Variants in ROBO2 observed in about 807,000 individuals in gnomAD.
The protein encoded by ROBO2 is roundabout homolog 2.
In ROBO2, 53 loss-of-function variants were observed where a neutral mutation model predicts 160.8. The observed-to-expected ratio is 0.33, with a 90% CI of 0.26 to 0.41. The LOEUF (loss-of-function observed/expected upper bound fraction) is 0.41, where lower values mean the gene tolerates loss of function less well. Among genes scored for constraint, ROBO2 ranks in the 10% least tolerant of loss-of-function variants. The probability of loss-of-function intolerance (pLI) is 1.00; values close to 1 mark genes in which losing one functional copy is unlikely to be tolerated. For missense variants in ROBO2, 1,577 were observed against 1,722.4 expected, an observed-to-expected ratio of 0.92 and a Z score of 1.49; for synonymous variants, 664 against 611.7, an observed-to-expected ratio of 1.09 and a Z score of -1.26.
At chr3:77,073,574 A>G (rs888400456) in intron 1 of ROBO2, among the ~76,000 whole-genome samples, 1 of 152,204 alleles carries the variant, frequency 6.6e-6, no homozygotes, top group African/African-American at 2.4e-5. Context: ...AGTAAACCTA[A>G]GCATTTCATC....
chr3:76,896,524 T>C (rs1427490122), intron 2 of ROBO2, among the ~76,000 whole-genome samples: 1 of 152,150 alleles, frequency 6.6e-6, no homozygotes, highest in Non-Finnish European at 1.5e-5. Flanking sequence ...TGCTATTGGG[T>C]GAATATGTGA....
chr3:77,569,217 T>G (rs2093575073), intron 13 of ROBO2, among the ~76,000 whole-genome samples: 1 of 152,028 alleles, frequency 6.6e-6, no homozygotes, highest in African/African-American at 2.4e-5. Flanking sequence ...AATATTTTGA[T>G]AAACTGCCAA....
chr3:76,258,085 T>TA (rs1215311499), intron 2 of ROBO2, among the ~76,000 whole-genome samples: 2 of 152,066 alleles, frequency 1.3e-5, no homozygotes, highest in African/African-American at 2.4e-5. Flanking sequence ...TAGTTTTTTT[T>TA]ATCCTAACAT....
chr3:77,450,243 A>T (rs2080985729), intron 2 of ROBO2, among the ~76,000 whole-genome samples: 1 of 152,170 alleles, frequency 6.6e-6, no homozygotes. Flanking sequence ...CTTTGATGTT[A>T]AATGAGACAC....
intron 2 of ROBO2, among the ~76,000 whole-genome samples, chr3:76,068,123 A>C (rs778183942): frequency 6.6e-6 from 1 of 152,168 alleles, no homozygotes; most frequent in Non-Finnish European, 1.5e-5. Context: ...GACGCAAAGG[A>C]ACAGAGAAGA....
chr3:76,314,551 C>G (rs915408278), intron 2 of ROBO2, among the ~76,000 whole-genome samples: 2 of 152,030 alleles, frequency 1.3e-5, no homozygotes, highest in African/African-American at 4.8e-5. Flanking sequence ...CTCTGCCACC[C>G]CTGAGACAGC....
chr3:76,876,399 G>T (rs767655613), intron 2 of ROBO2, among the ~76,000 whole-genome samples: 1 of 152,128 alleles, frequency 6.6e-6, no homozygotes, highest in East Asian at 1.9e-4. Flanking sequence ...TTAAGGGTGG[G>T]CATGGTGGCT....
chr3:77,224,426 T>C (rs1278824168), intron 2 of ROBO2, among the ~76,000 whole-genome samples: 1 of 151,986 alleles, frequency 6.6e-6, no homozygotes, highest in Non-Finnish European at 1.5e-5. Flanking sequence ...ATTCTTTGCT[T>C]ATCCATTTGT....
intron 21 of ROBO2, among the ~76,000 whole-genome samples, chr3:77,613,814 A>C (rs989030236): frequency 6.6e-6 from 1 of 152,210 alleles, no homozygotes; most frequent in Non-Finnish European, 1.5e-5. Flanking sequence ...ATTAGTCAAG[A>C]GTTACAGAAA....
In ROBO2 at chr3:76,206,784, C is replaced by T. The variant is rs150597128; in HGVS notation, c.109+269182C>T. Among the ~76,000 whole-genome samples the T allele has an allele frequency of 4.4e-3, 669 of 152,198 alleles. 6 individuals are homozygous for T. The highest frequency in any genetic ancestry group is 0.015 in the African/African-American group (624 of 41,522). On this transcript the variant is annotated intron_variant, in intron 2 of 26. Transcript: ENST00000487694. ...TTTATAAAAGGGGATTCTAATACAT[C>T]CCCCATGGAAGATTGTGAGAATAGA...
intron 2 of ROBO2, among the ~76,000 whole-genome samples, chr3:77,213,885 G>A (rs191938052): frequency 9.0e-4 from 137 of 152,120 alleles, no homozygotes; most frequent in Non-Finnish European, 1.6e-3. Context: ...GTAGTTGAGC[G>A]GTTTTGAGTA....
intron 2 of ROBO2, among the ~76,000 whole-genome samples, chr3:76,759,463 T>A (rs2108349387): frequency 6.6e-6 from 1 of 151,826 alleles, no homozygotes. Flanking sequence ...TACCTAAAAA[T>A]TTTGAGGGTG....
chr3:77,611,793 C>G (rs1480670370), intron 21 of ROBO2, among the ~76,000 whole-genome samples: 1 of 152,090 alleles, frequency 6.6e-6, no homozygotes, highest in African/African-American at 2.4e-5. Flanking sequence ...ACAATGATGG[C>G]AATGTTTTCT....
In ROBO2 at chr3:77,646,684, T is replaced by G. The variant is rs146195527; in HGVS notation, c.*629T>G. The G allele has an allele frequency of 5.9e-5, 9 of 152,536 alleles. No individual in the cohort carries two copies. In the East Asian group the frequency reaches 1.4e-3, roughly 23 times the overall value. The allele number at this position is 152,536 out of a possible 1,614,324, so 9.4% of individuals were successfully genotyped here. A position where few individuals can be genotyped will look rare whatever the true frequency, so the allele number is the denominator to read the frequency against. ...GAACAATGGTGTTGGCAAAGTCTTC[T>G]TTGAATATCAGGGACTGAGTCAATA... is the stretch of plus-strand genomic sequence containing the variant. On this transcript the variant is annotated 3_prime_UTR_variant, in exon 26 of 26. Transcript: ENST00000461745.
intron 20 of ROBO2, among the ~76,000 whole-genome samples, chr3:77,603,551 G>A (rs1459173249): frequency 6.6e-6 from 1 of 151,732 alleles, no homozygotes; most frequent in Non-Finnish European, 1.5e-5. Flanking sequence ...AGTTAATATG[G>A]GAAATTAATA....
chr3:76,808,357 A>C (rs2108951698), intron 2 of ROBO2, among the ~76,000 whole-genome samples: 1 of 152,228 alleles, frequency 6.6e-6, no homozygotes, highest in South Asian at 2.1e-4. Flanking sequence ...ATAAGTTGTT[A>C]GTACAAGGGT....
At chr3:76,633,251 A>G (rs1247886306) in intron 2 of ROBO2, among the ~76,000 whole-genome samples, 1 of 152,230 alleles carries the variant, frequency 6.6e-6, no homozygotes, top group Non-Finnish European at 1.5e-5. Context: ...TCATAGCAAT[A>G]AAAACAAATA....
chr3:77,400,743 T>G (rs2075722285), intron 2 of ROBO2, among the ~76,000 whole-genome samples: 1 of 152,124 alleles, frequency 6.6e-6, no homozygotes, highest in Non-Finnish European at 1.5e-5. Flanking sequence ...GCAGATGTAG[T>G]TAATTCTCAC....
chr3:77,436,594 T>A (rs2079314328), intron 2 of ROBO2, among the ~76,000 whole-genome samples: 1 of 151,904 alleles, frequency 6.6e-6, no homozygotes, highest in Non-Finnish European at 1.5e-5. Context: ...CTGTGGGGAT[T>A]TTTGAAGATT....
Sources: allele counts gnomAD v4.1 joint callset (sites outside exome capture counted in the v4.1 genomes callset), GRCh38; gene constraint gnomAD v4.1.1; transcripts MANE v1.5; gene names NCBI Gene and HGNC (gene_info 2026-07-23, HGNC 2026-07-21).